The following ANKRD18A variants were observed in gnomAD, a reference collection of about 807,000 sequenced individuals.
The protein encoded by ANKRD18A is ankyrin repeat domain-containing protein 18A.
In ANKRD18A, 72 loss-of-function variants were observed where a neutral mutation model predicts 110.6. The observed-to-expected ratio is 0.65, with a 90% CI of 0.54 to 0.79. The LOEUF is 0.79. Among genes scored for constraint, ANKRD18A ranks in the 30% least tolerant of loss-of-function variants. ANKRD18A has a pLI of 0.00. For missense variants in ANKRD18A, 934 were observed against 1,163.3 expected (o/e 0.80, Z 2.87); for synonymous variants, 305 against 410.3 (o/e 0.74, Z 3.10).
At chr9:38,582,029 T>C (rs1288194568) in intron 12 of ANKRD18A, among the ~76,000 whole-genome samples, 1 of 152,218 alleles carries the variant, frequency 6.6e-6, no homozygotes, top group Non-Finnish European at 1.5e-5. Flanking sequence ...GAGAACAAGA[T>C]GCCAGGTGGA....
chr9:38,606,217 T>G (rs537741661), intron 6 of ANKRD18A, among the ~76,000 whole-genome samples: 1 of 152,296 alleles, frequency 6.6e-6, no homozygotes, highest in African/African-American at 2.4e-5. Flanking sequence ...CAGAAAGGGA[T>G]TGTTGAATTC....
chr9:38,590,182 T>C (rs1587505269), intron 10 of ANKRD18A, among the ~76,000 whole-genome samples: 1 of 149,208 alleles, frequency 6.7e-6, no homozygotes, highest in South Asian at 2.1e-4. Context: ...TCTTTCTCTC[T>C]TTCTTTCTCT....
chr9:38,583,015 G>C (rs778497222), intron 12 of ANKRD18A, among the ~76,000 whole-genome samples: 1 of 152,166 alleles, frequency 6.6e-6, no homozygotes, highest in Non-Finnish European at 1.5e-5. Context: ...AATTTGAATA[G>C]ATATTTCTGC....
intron 3 of ANKRD18A, among the ~76,000 whole-genome samples, chr9:38,612,521 C>CTTTTTTTTTTTTTTTTTTTTTT (rs767816627): frequency 8.0e-6 from 1 of 124,312 alleles, no homozygotes; most frequent in East Asian, 2.2e-4. Flanking sequence ...TTTTCTTTTT[C>CTTTTTTTTTTTTTTTTTTTTTT]TTTTTTTTTT....
intron 15 of ANKRD18A, chr9:38,573,066 T>C: frequency 7.2e-7 from 1 of 1,391,380 alleles, no homozygotes; most frequent in East Asian, 2.6e-5. Context: ...ATTTAATTAA[T>C]ACATTTTGGC....
Position 38,615,747 on chromosome 9 carries a change from C to T in ANKRD18A, c.342G>A (p.Glu114=), listed in dbSNP as rs371981581. Residue 114 remains glutamate (E), a synonymous_variant, in exon 3 of 16, where the codon GAG becomes GAA. Transcript: ENST00000399703. The part of the protein sequence containing the change: ...PLMKAVHSQE[E]ACAIVLLECG... ...ATTCCAGGAGAACGATGGCACAAGC[C>T]TCTTCCTGGCTGTGTACAGCCTATT... 56 of 1,612,918 alleles carry T rather than the reference C, an allele frequency of 3.5e-5. No individual in the cohort carries two copies. The African/African-American group carries it at 5.2e-4, about 15-fold the overall frequency.
chr9:38,569,796 C>T (rs1823574866), downstream of ANKRD18A, among the ~76,000 whole-genome samples: 1 of 152,144 alleles, frequency 6.6e-6, no homozygotes, highest in Admixed American at 6.5e-5. Flanking sequence ...CACAGGTGCT[C>T]CCCAATTTCT....
At chr9:38,580,474 T>C (rs1290230468) in intron 12 of ANKRD18A, among the ~76,000 whole-genome samples, 2 of 152,228 alleles carry the variant, frequency 1.3e-5, no homozygotes, top group South Asian at 2.1e-4. Flanking sequence ...GTCTGGTTAA[T>C]GGATACAGAA....
At chr9:38,595,275 C>G (rs138739332) in intron 9 of ANKRD18A, among the ~76,000 whole-genome samples, 26,201 of 151,990 alleles carry the variant, frequency 0.17, 3,040 homozygotes, top group East Asian at 0.44. Context: ...TTAGCAGTCA[C>G]GACCCGCTTC....
intron 8 of ANKRD18A, among the ~76,000 whole-genome samples, chr9:38,600,000 T>C (rs1236409405): frequency 1.3e-5 from 2 of 152,202 alleles, no homozygotes; most frequent in Non-Finnish European, 2.9e-5. Context: ...ATTAACTTTA[T>C]TCTAAATTAA....
intron 10 of ANKRD18A, among the ~76,000 whole-genome samples, chr9:38,591,663 G>A (rs1824654882): frequency 6.6e-6 from 1 of 152,206 alleles, no homozygotes; most frequent in African/African-American, 2.4e-5. Flanking sequence ...GCCTTCTATA[G>A]ATGCACTGAA....
chr9:38,603,832 A>G (rs1248542070), intron 6 of ANKRD18A, among the ~76,000 whole-genome samples: 1 of 152,188 alleles, frequency 6.6e-6, no homozygotes, highest in Non-Finnish European at 1.5e-5. Flanking sequence ...ACCCAAGAGC[A>G]GTTCCTTGTT....
Position 38,620,569 on chromosome 9 carries a change from C to G in ANKRD18A, c.-284G>C, listed in dbSNP as rs1473061816. The G allele has an allele frequency of 4.6e-6, 5 of 1,084,626 alleles. No individual in the cohort carries two copies. Among genetic ancestry groups the G allele is most frequent in the Non-Finnish European group, 2.4e-6 (2 of 837,450 alleles). 67.2% of individuals were successfully genotyped at this position (1,084,626 alleles called of 1,614,324 possible). A position where few individuals can be genotyped will look rare whatever the true frequency, so the allele number is the denominator to read the frequency against. On this transcript the variant is annotated 5_prime_UTR_variant, in exon 1 of 16. Coordinates refer to ENST00000399703, the MANE Select transcript of ANKRD18A (RefSeq NM_147195.4). ...TAAGCCGTTAGGCGCGCGCCTGAAC[C>G]TCAGCGCTCCGAACTCTCAGACCGA...
intron 3 of ANKRD18A, among the ~76,000 whole-genome samples, chr9:38,613,363 G>C (rs1180260336): frequency 6.6e-6 from 1 of 152,140 alleles, no homozygotes; most frequent in Non-Finnish European, 1.5e-5. Context: ...GCCACATTTA[G>C]ACTATAGCTC....
chr9:38,602,554 C>G (rs1825165443), intron 7 of ANKRD18A, among the ~76,000 whole-genome samples: 1 of 152,092 alleles, frequency 6.6e-6, no homozygotes, highest in Non-Finnish European at 1.5e-5. Context: ...TTCTGAAAGC[C>G]TTATATAAAC....
At position 38,620,215 on chromosome 9, in the gene ANKRD18A, G is replaced by A. The variant is rs1372753738; in HGVS notation, c.71C>T (p.Ala24Val). 2.6e-6 allele frequency: 4 copies of A among 1,552,094 alleles called. No individual in the cohort carries two copies. The highest frequency in any genetic ancestry group is 1.4e-5 in the African/African-American group (1 of 73,206). Residue 24 changes from alanine (A) to valine (V), a missense_variant, in exon 1 of 16, where the codon GCG (alanine) becomes GTG (valine). Coordinates refer to ENST00000399703, the MANE Select transcript of ANKRD18A (RefSeq NM_147195.4). Reference protein sequence around the residue: ...ALLSSMDQEYAGPGYDIRDWE... With the variant: ...ALLSSMDQEYVGPGYDIRDWE... ...GTCCCGAATGTCGTAACCCGGACCC[G>A]CATACTCTTGGTCCATGGAGCTCAG...
chr9:38,570,311 C>A (rs1405846985), downstream of ANKRD18A, among the ~76,000 whole-genome samples: 1 of 152,128 alleles, frequency 6.6e-6, no homozygotes, highest in African/African-American at 2.4e-5. Context: ...GAATAATTCT[C>A]CATGGATCAG....
At chr9:38,598,724 A>T (rs1218485559) in intron 8 of ANKRD18A, among the ~76,000 whole-genome samples, 2 of 152,200 alleles carry the variant, frequency 1.3e-5, no homozygotes, top group Non-Finnish European at 2.9e-5. Context: ...GGACTGTCAT[A>T]TGTGGGTCCC....
intron 1 of ANKRD18A, among the ~76,000 whole-genome samples, chr9:38,617,207 C>T (rs367956658): frequency 9.3e-4 from 141 of 152,244 alleles, no homozygotes; most frequent in African/African-American, 2.9e-3. Context: ...TTTGGGAGGC[C>T]GAGGCAGGTG....
Sources: allele counts gnomAD v4.1 joint callset (sites outside exome capture counted in the v4.1 genomes callset), GRCh38; gene constraint gnomAD v4.1.1; transcripts MANE v1.5; gene names NCBI Gene and HGNC (gene_info 2026-07-23, HGNC 2026-07-21).